The following GRTP1 variants were observed in gnomAD, a reference collection of about 807,000 sequenced individuals.
GRTP1 encodes growth hormone-regulated TBC protein 1.
In GRTP1, 56 loss-of-function variants were observed where a neutral mutation model predicts 38.1. The ratio of observed to expected loss-of-function variants is 1.47; its 90% CI spans 1.19 to 1.84. The LOEUF (loss-of-function observed/expected upper bound fraction) is 1.84. GRTP1 is among the 40% of genes most tolerant of loss of function. GRTP1 has a pLI of 0.00. For missense variants in GRTP1, 506 were observed against 453.9 expected (o/e 1.11, Z -1.04); for synonymous variants, 217 against 189.5 (o/e 1.14, Z -1.19).
intron 5 of GRTP1, among the ~76,000 whole-genome samples, chr13:113,335,422 C>CACAAAAA (rs1223007133): frequency 9.3e-6 from 1 of 107,648 alleles, no homozygotes; most frequent in Admixed American, 1.1e-4. Flanking sequence ...GACTCTGTCT[C>CACAAAAA]ACAAAAAACA....
At chr13:113,325,460 A>G in intron 7 of GRTP1, 1 of 1,449,292 alleles carries the variant, frequency 6.9e-7, no homozygotes. Flanking sequence ...CAGGGCCAAG[A>G]AGACAGGGCC....
At chr13:113,346,167 AGTG>A (rs2043117092) in intron 4 of GRTP1, among the ~76,000 whole-genome samples, 13 of 143,322 alleles carry the variant, frequency 9.1e-5, no homozygotes, top group African/African-American at 2.1e-4. Flanking sequence ...TGTGCCTGAC[AGTG>A]GACCCGGGAG....
At chr13:113,347,886 G>A (rs979814926) in intron 4 of GRTP1, among the ~76,000 whole-genome samples, 102 of 146,158 alleles carry the variant, frequency 7.0e-4, no homozygotes, top group Non-Finnish European at 9.5e-4. Context: ...CTCTGAAGCC[G>A]AGAGCAGACC....
chr13:113,348,234 C>G lies in GRTP1; in HGVS notation c.465+2615G>C, dbSNP rs2043203920. 6.6e-6 allele frequency among the ~76,000 whole-genome samples: 1 copy of G among 152,134 alleles called. No homozygotes were observed. The highest frequency in any genetic ancestry group is 1.5e-5 in the Non-Finnish European group (1 of 68,018). ...TGAGAGGTAGAGGCAGGAGGATCGC[C>G]TGAGCTCAGGAGTTCAAGACCAGCC... On this transcript the variant is annotated intron_variant, in intron 4 of 7. Transcript: ENST00000375431. The surrounding 1 kb of genome is among the most constrained non-coding windows in gnomAD (Gnocchi z 4.8).
chr13:113,344,133 T>G (rs2043064521), intron 5 of GRTP1, among the ~76,000 whole-genome samples: 1 of 152,268 alleles, frequency 6.6e-6, no homozygotes, highest in Non-Finnish European at 1.5e-5. Flanking sequence ...GCAATTATTA[T>G]GCTCTTACTA....
At chr13:113,324,825 T>C (rs2042735087) in intron 7 of GRTP1, 2 of 1,234,714 alleles carry the variant, frequency 1.6e-6, no homozygotes, top group South Asian at 2.3e-5. Context: ...CTGCTTCCAT[T>C]AGACTTTTTT....
At chr13:113,346,285 AGCGGATCTG>A (rs1566429833) in intron 4 of GRTP1, among the ~76,000 whole-genome samples, 1 of 77,858 alleles carries the variant, frequency 1.3e-5, no homozygotes, top group African/African-American at 6.6e-5. Context: ...TCTGTGGCTG[AGCGGATCTG>A]GGAGGACCTC....
chr13:113,348,809 G>A lies in GRTP1; in HGVS notation c.465+2040C>T, dbSNP rs1417150790. Among the ~76,000 whole-genome samples the A allele has an allele frequency of 6.6e-6, 1 of 152,054 alleles. No individual in the cohort carries two copies. The highest frequency in any genetic ancestry group is 6.5e-5 in the Admixed American group (1 of 15,268). ...CACAGCCTCAGAAAGAACCCGCCCC[G>A]CAGACGCCGCGACCTCACCTGCCCC... On this transcript the variant is annotated intron_variant, in intron 4 of 7. Coordinates refer to ENST00000375431, the MANE Select transcript of GRTP1 (RefSeq NM_024719.4). This position sits in a 1 kb window ranked among gnomAD's most constrained non-coding sequence, Gnocchi z 4.8.
intron 2 of GRTP1, among the ~76,000 whole-genome samples, chr13:113,357,970 G>A (rs964065725): frequency 6.6e-6 from 1 of 152,206 alleles, no homozygotes; most frequent in Admixed American, 6.5e-5. Context: ...CCTGAGGTCA[G>A]GAGTTCAAGA....
chr13:113,340,374 A>C (rs1292155995), intron 5 of GRTP1, among the ~76,000 whole-genome samples: 1 of 149,338 alleles, frequency 6.7e-6, no homozygotes, highest in African/African-American at 2.5e-5. Flanking sequence ...AGCTACTCAG[A>C]AGACTGAGGT....
chr13:113,329,439 G>A (rs537776936), intron 5 of GRTP1, among the ~76,000 whole-genome samples: 12 of 152,214 alleles, frequency 7.9e-5, no homozygotes, highest in African/African-American at 2.2e-4. Context: ...TTAGCTGGGC[G>A]TGGTGGCCAG....
Position 113,363,892 on chromosome 13 carries a change from G to A in GRTP1, c.51C>T (p.Phe17=), listed in dbSNP as rs557859251. 5.0e-6 allele frequency: 8 copies of A among 1,611,420 alleles called. No homozygotes were observed. The African/African-American group carries it at 6.7e-5, about 13-fold the overall frequency. Residue 17 remains phenylalanine (F), a synonymous_variant, in exon 2 of 8, where the codon TTC becomes TTT. Coordinates refer to ENST00000375431, the MANE Select transcript of GRTP1 (RefSeq NM_024719.4). ...CGTCGTCGAAGTCCTCAGGCCGCTC[G>A]AATCCGTACGGGTCGATCCTGCAAA... The part of the protein sequence containing the change: ...SRVPRIDPYG[F]ERPEDFDDAA...
In GRTP1 at chr13:113,355,054, C is replaced by T. The variant is rs2139518422; in HGVS notation, c.340+269G>A. On this transcript the variant is annotated intron_variant, in intron 3 of 7. Coordinates refer to ENST00000375431, the MANE Select transcript of GRTP1 (RefSeq NM_024719.4). The stretch of plus-strand genomic sequence containing the variant: ...GCAACAGAGGCCGCCTCTCCCTGTC[C>T]CGCGAGTCTTCATGGAGCGCATCTG... 3 of 360,662 alleles carry T rather than the reference C, an allele frequency of 8.3e-6. No individual in the cohort carries two copies. The East Asian group carries it at 1.5e-4, about 18-fold the overall frequency. 22.3% of individuals were successfully genotyped at this position (360,662 alleles called of 1,614,324 possible). A position where few individuals can be genotyped will look rare whatever the true frequency, so the allele number is the denominator to read the frequency against.
intron 2 of GRTP1, among the ~76,000 whole-genome samples, chr13:113,360,438 C>A (rs182213660): frequency 1.7e-3 from 263 of 152,292 alleles, no homozygotes; most frequent in Non-Finnish European, 2.6e-3. Flanking sequence ...AGATGAAAAC[C>A]CTCCAAAAGG....
At chr13:113,326,995 CA>C (rs1197968366) in intron 5 of GRTP1, among the ~76,000 whole-genome samples, 1 of 152,210 alleles carries the variant, frequency 6.6e-6, no homozygotes, top group Non-Finnish European at 1.5e-5. Flanking sequence ...CACTGAACTG[CA>C]CAGGGGAAAG....
intron 3 of GRTP1, among the ~76,000 whole-genome samples, chr13:113,351,307 G>A (rs1380445476): frequency 6.6e-6 from 1 of 152,218 alleles, no homozygotes; most frequent in Non-Finnish European, 1.5e-5. Context: ...CCTGCACCTC[G>A]GACCTCGCGC....
At chr13:113,341,112 T>A (rs1212557289) in intron 5 of GRTP1, among the ~76,000 whole-genome samples, 1 of 151,832 alleles carries the variant, frequency 6.6e-6, no homozygotes, top group African/African-American at 2.4e-5. Context: ...AGTGGTGTGA[T>A]CTTGGCTCAC....
At chr13:113,361,210 T>TAAAAAAAAAAAAA (rs60140159) in intron 2 of GRTP1, among the ~76,000 whole-genome samples, 2 of 125,356 alleles carry the variant, frequency 1.6e-5, no homozygotes, top group African/African-American at 3.1e-5. Flanking sequence ...AGACCAATGC[T>TAAAAAAAAAAAAA]AAAAAAAAAA....
At chr13:113,335,334 A>G (rs891267517) in intron 5 of GRTP1, among the ~76,000 whole-genome samples, 1 of 151,260 alleles carries the variant, frequency 6.6e-6, no homozygotes. Context: ...GAGGCAGGAG[A>G]ATCGCTTGAA....
Sources: allele counts gnomAD v4.1 joint callset (sites outside exome capture counted in the v4.1 genomes callset), GRCh38; gene constraint gnomAD v4.1.1; non-coding constraint Gnocchi (gnomAD v3.1); transcripts MANE v1.5; gene names NCBI Gene and HGNC (gene_info 2026-07-23, HGNC 2026-07-21).